Variants in SV2C observed in about 807,000 individuals in gnomAD.
SV2C encodes the protein solute carrier family 22 member B3.
Under a neutral mutation model 79.7 loss-of-function variants are expected in SV2C, and 49 were observed. That is an observed-to-expected ratio of 0.61 (90% CI 0.49 to 0.78). The LOEUF is 0.78. Ranked by LOEUF, SV2C falls within the 30% of genes least tolerant of loss-of-function variation. SV2C has a pLI of 0.00. For synonymous variants in SV2C, 334 were observed against 333.2 expected (o/e 1.00, Z -0.03); for missense variants, 833 against 912.9 (o/e 0.91, Z 1.13).
intron 2 of SV2C, among the ~76,000 whole-genome samples, chr5:76,151,298 C>A (rs12514991): frequency 0.41 from 62,695 of 151,962 alleles, 13,524 homozygotes; most frequent in Middle Eastern, 0.51. Context: ...CGAAGTGTAG[C>A]ATGCTTACAG....
chr5:76,141,823 CAAAAAA>C lies in SV2C; in HGVS notation c.580+9510_580+9515del, dbSNP rs11313342. Among the ~76,000 whole-genome samples the C allele has an allele frequency of 8.4e-3, 607 of 72,480 alleles. 2 individuals are homozygous for C. Among genetic ancestry groups the C allele is most frequent in the African/African-American group, 0.031 (568 of 18,090 alleles). The allele number at this position is 72,480 out of a possible 152,430, so 47.5% of individuals were successfully genotyped here. A position where few individuals can be genotyped will look rare whatever the true frequency, so the allele number is the denominator to read the frequency against. On this transcript the variant is annotated intron_variant, in intron 2 of 12. Coordinates refer to ENST00000502798, the MANE Select transcript of SV2C (RefSeq NM_014979.4). ...TGGGTGACAGAGCAAAAGTCCATCT[CAAAAAA>C]AAAAAAAAAAAAAAAAGTAAAATTT...
At chr5:76,257,477 T>C (rs1288121308) in intron 4 of SV2C, among the ~76,000 whole-genome samples, 1 of 150,818 alleles carries the variant, frequency 6.6e-6, no homozygotes, top group African/African-American at 2.4e-5. Context: ...GCGGTGTGTA[T>C]GGGTGTGTGG....
chr5:76,321,723 A>G (rs1425307242), intron 12 of SV2C, among the ~76,000 whole-genome samples: 9 of 150,468 alleles, frequency 6.0e-5, no homozygotes, highest in Non-Finnish European at 1.3e-4. Flanking sequence ...CCTGGGTGAC[A>G]TGAGCGAGAC....
chr5:76,183,305 G>T (rs1743811093), intron 2 of SV2C, among the ~76,000 whole-genome samples: 1 of 151,778 alleles, frequency 6.6e-6, no homozygotes, highest in African/African-American at 2.4e-5. Flanking sequence ...GATTACAGGT[G>T]TAAGCCACCA....
chr5:75,898,865 T>G, the SV2C span, among the ~76,000 whole-genome samples: 1 of 152,248 alleles, frequency 6.6e-6, no homozygotes, highest in Admixed American at 6.5e-5. Context: ...TAGAGGTGTT[T>G]GTAGTATTCT....
rs70979381 is a variant in SV2C, at chr5:76,189,206, GA to G, written c.581-5703del. 2.3e-4 allele frequency among the ~76,000 whole-genome samples: 34 copies of G among 147,568 alleles called. No homozygotes were observed. The East Asian group carries it at 4.4e-3, about 19-fold the overall frequency. On this transcript the variant is annotated intron_variant, in intron 2 of 12. Transcript: ENST00000502798. ...TCCAAGGATTTTTCTAGCATAAAATGAAAAAAAAAATGACTCTTTGAGGAAA... is the reference window on the plus strand; with the variant it reads ...TCCAAGGATTTTTCTAGCATAAAATGAAAAAAAAATGACTCTTTGAGGAAA...
At chr5:76,061,961 T>A in the SV2C span, among the ~76,000 whole-genome samples, 2 of 151,800 alleles carry the variant, frequency 1.3e-5, no homozygotes, top group Non-Finnish European at 2.9e-5. Context: ...GGCTTTTTTT[T>A]AACCTGTTAT....
the SV2C span, among the ~76,000 whole-genome samples, chr5:76,012,980 C>A: frequency 2.0e-5 from 3 of 152,242 alleles, no homozygotes; most frequent in African/African-American, 7.2e-5. Flanking sequence ...GTTTTGGTAC[C>A]AGTACCATGC....
the SV2C span, among the ~76,000 whole-genome samples, chr5:76,048,543 GAC>G: frequency 6.6e-6 from 1 of 152,008 alleles, no homozygotes; most frequent in African/African-American, 2.4e-5. Flanking sequence ...CAGTGAAGGT[GAC>G]ACAAAAAATC....
chr5:76,281,049 C>T (rs114052343), intron 4 of SV2C: 14,909 of 541,270 alleles, frequency 0.028, 415 homozygotes, highest in South Asian at 0.071. Flanking sequence ...TCAGTCGGCC[C>T]CTGGCCAGGT....
At chr5:75,916,258 TCTC>T in the SV2C span, among the ~76,000 whole-genome samples, 1 of 138,164 alleles carries the variant, frequency 7.2e-6, no homozygotes, top group African/African-American at 2.8e-5. Flanking sequence ...TTGTCCTCTT[TCTC>T]CTCTTCTTCC....
At chr5:76,117,467 C>T (rs766847377) in intron 1 of SV2C, among the ~76,000 whole-genome samples, 10 of 152,096 alleles carry the variant, frequency 6.6e-5, no homozygotes, top group Non-Finnish European at 1.0e-4. Context: ...AGTAACTAAG[C>T]AATTCTAAAG....
chr5:75,875,234 C>T, the SV2C span, among the ~76,000 whole-genome samples: 138 of 152,164 alleles, frequency 9.1e-4, no homozygotes, highest in African/African-American at 3.1e-3. Flanking sequence ...AAAAAAGGCA[C>T]ATAGACCAAT....
At chr5:76,231,942 G>T (rs925432792) in intron 4 of SV2C, among the ~76,000 whole-genome samples, 1 of 143,776 alleles carries the variant, frequency 7.0e-6, no homozygotes. Context: ...TAATCCTTTG[G>T]GTATATACCA....
At chr5:75,900,903 A>G in the SV2C span, among the ~76,000 whole-genome samples, 1 of 152,030 alleles carries the variant, frequency 6.6e-6, no homozygotes, top group African/African-American at 2.4e-5. Flanking sequence ...TGCATTCTTC[A>G]CGTAGTTCTT....
intron 12 of SV2C, among the ~76,000 whole-genome samples, chr5:76,343,894 T>C (rs1033188680): frequency 6.6e-6 from 1 of 152,110 alleles, no homozygotes; most frequent in Non-Finnish European, 1.5e-5. Context: ...AGTGGCACAT[T>C]CCTGTAGTCC....
intron 4 of SV2C, among the ~76,000 whole-genome samples, chr5:76,252,924 A>G (rs1296980894): frequency 6.6e-6 from 1 of 152,370 alleles, no homozygotes; most frequent in East Asian, 1.9e-4. Context: ...ACTTCATGTT[A>G]TTAAAAGATA....
chr5:76,034,459 G>C, the SV2C span, among the ~76,000 whole-genome samples: 1 of 152,182 alleles, frequency 6.6e-6, no homozygotes, highest in Admixed American at 6.5e-5. Flanking sequence ...TTAGCATGAA[G>C]GGTTGTTGAA....
At chr5:76,186,940 G>A (rs1444066128) in intron 2 of SV2C, among the ~76,000 whole-genome samples, 1 of 152,132 alleles carries the variant, frequency 6.6e-6, no homozygotes, top group Non-Finnish European at 1.5e-5. Flanking sequence ...GACACATGGG[G>A]ATTATTACAA....
Sources: gnomAD v4.1 joint callset for allele counts (sites outside exome capture counted in the v4.1 genomes callset) on GRCh38, gnomAD v4.1.1 for gene constraint, MANE v1.5 for transcripts, NCBI Gene and HGNC (gene_info 2026-07-23, HGNC 2026-07-21) for gene names.